The following NUDCD1 variants were observed in gnomAD, a reference collection of about 807,000 sequenced individuals.
The protein encoded by NUDCD1 is NudC domain containing 1.
In NUDCD1, 60 loss-of-function variants were observed where a neutral mutation model predicts 67.8. The observed-to-expected ratio is 0.88, with a 90% CI of 0.72 to 1.10. NUDCD1 has a LOEUF of 1.10. Among genes scored for constraint, NUDCD1 ranks in the 50% least tolerant of loss-of-function variants. The pLI, the probability that NUDCD1 is intolerant of heterozygous loss-of-function variation, is 0.00. For synonymous variants in NUDCD1, 244 were observed against 230.8 expected, an observed-to-expected ratio of 1.06 and a Z score of -0.52; for missense variants, 643 against 695.0, an observed-to-expected ratio of 0.93 and a Z score of 0.84.
chr8:109,246,848 C>T (rs1372675737), intron 8 of NUDCD1, among the ~76,000 whole-genome samples: 3 of 152,106 alleles, frequency 2.0e-5, no homozygotes, highest in Admixed American at 2.0e-4. Flanking sequence ...GAAGTGGAGA[C>T]CTGACCTGAA....
intron 5 of NUDCD1, among the ~76,000 whole-genome samples, chr8:109,284,127 C>T (rs547255202): frequency 2.0e-4 from 30 of 151,930 alleles, no homozygotes; most frequent in African/African-American, 6.8e-4. Context: ...AAACAGAAAG[C>T]GCAGGAGTCA....
At chr8:109,319,073 A>G (rs926065724) in intron 2 of NUDCD1, among the ~76,000 whole-genome samples, 1 of 150,550 alleles carries the variant, frequency 6.6e-6, no homozygotes, top group African/African-American at 2.4e-5. Flanking sequence ...TCCCAGGTTC[A>G]CGCCATTCTC....
At position 109,242,666 on chromosome 8, in the gene NUDCD1, C is replaced by T. The variant is rs1548082; in HGVS notation, c.*343G>A. 8 of 173,486 alleles carry T rather than the reference C, an allele frequency of 4.6e-5. No individual in the cohort carries two copies. Among genetic ancestry groups the T allele is most frequent in the South Asian group, 1.5e-4 (1 of 6,528 alleles). The allele number at this position is 173,486 out of a possible 1,614,324, so 10.7% of individuals were successfully genotyped here. A position where few individuals can be genotyped will look rare whatever the true frequency, so the allele number is the denominator to read the frequency against. ...GGTACAGCCTGTAGCAACTAATCAA[C>T]GAACAGAGTACACAATAAATATTTT... On this transcript the variant is annotated 3_prime_UTR_variant, in exon 10 of 10. Transcript: ENST00000239690.
intron 8 of NUDCD1, among the ~76,000 whole-genome samples, chr8:109,258,965 T>C (rs1470347731): frequency 6.6e-6 from 1 of 152,136 alleles, no homozygotes; most frequent in African/African-American, 2.4e-5. Flanking sequence ...AACTAAAATG[T>C]CTCCAATAAA....
intron 8 of NUDCD1, 97 bp from the exon 9 acceptor site, chr8:109,245,578 A>T (rs1813475892): frequency 1.2e-6 from 1 of 840,292 alleles, no homozygotes; most frequent in African/African-American, 1.7e-5. Flanking sequence ...AGTGTCAGCA[A>T]CTGTTTTATA....
chr8:109,276,585 A>G (rs1350601687), intron 6 of NUDCD1, among the ~76,000 whole-genome samples: 1 of 152,220 alleles, frequency 6.6e-6, no homozygotes, highest in African/African-American at 2.4e-5. Flanking sequence ...TTAAGAGACT[A>G]TACAAAATAA....
chr8:109,322,497 G>C, intron 1 of NUDCD1, 34 bp from the exon 2 acceptor site: 1 of 1,553,748 alleles, frequency 6.4e-7, no homozygotes, highest in African/African-American at 1.4e-5. Flanking sequence ...TAAACATCAA[G>C]AGTTTTGCCT....
chr8:109,274,440 A>G (rs1403330251), intron 7 of NUDCD1, among the ~76,000 whole-genome samples: 2 of 152,194 alleles, frequency 1.3e-5, no homozygotes, highest in Non-Finnish European at 2.9e-5. Context: ...GCCTAATACA[A>G]TAATACTTGC....
Position 109,322,484 on chromosome 8 carries a change from A to C in NUDCD1, c.119-21T>G, listed in dbSNP as rs748562926. ...CACAGCTGAAATACAAGAAAAGCAA[A>C]CATAAACATCAAGAGTTTTGCCTCA... is the stretch of plus-strand genomic sequence containing the variant. On this transcript the variant is annotated intron_variant, in intron 1 of 9. Transcript: ENST00000239690. 4.9e-5 allele frequency: 77 copies of C among 1,573,174 alleles called. 1 individual carries two copies. The highest frequency in any genetic ancestry group is 5.2e-5 in the Admixed American group (3 of 58,138).
intron 8 of NUDCD1, among the ~76,000 whole-genome samples, chr8:109,265,703 G>A (rs541375308): frequency 1.1e-4 from 16 of 152,320 alleles, no homozygotes; most frequent in African/African-American, 2.4e-4. Flanking sequence ...AAAGGCAGGG[G>A]TGTGTGGGGG....
Position 109,293,425 on chromosome 8 carries a change from T to G in NUDCD1, c.559A>C (p.Ile187Leu), listed in dbSNP as rs1814756815. Residue 187 changes from isoleucine (I) to leucine (L), a missense_variant, in exon 4 of 10, where the codon ATA becomes CTA. Coordinates refer to ENST00000239690, the MANE Select transcript of NUDCD1 (RefSeq NM_032869.4). ...TTCATATCCAATTCCTCTTTCTCTA[T>G]TCGAAGAAGTAGGGTAGCTATAGAA... ...EHSIATLLLR[I>L]EKEELDMKGS... is the part of the protein sequence containing the mutation. 6.3e-7 allele frequency: 1 copy of G among 1,588,106 alleles called. No individual in the cohort carries two copies. Among genetic ancestry groups the G allele is most frequent in the Non-Finnish European group, 8.6e-7 (1 of 1,164,274 alleles).
intron 5 of NUDCD1, among the ~76,000 whole-genome samples, chr8:109,287,247 A>G (rs915499666): frequency 2.0e-5 from 3 of 152,196 alleles, no homozygotes; most frequent in African/African-American, 7.2e-5. Context: ...AAAGAACTTA[A>G]AACAGAACTA....
intron 5 of NUDCD1, 36 bp downstream of exon 5, chr8:109,289,715 A>C (rs2980616): frequency 0.38 from 405,665 of 1,060,864 alleles, 80,344 homozygotes; most frequent in Admixed American, 0.49. Flanking sequence ...TATGTTTATG[A>C]AAATACCAAT....
At chr8:109,295,300 A>T (rs564987401) in intron 3 of NUDCD1, among the ~76,000 whole-genome samples, 2 of 152,258 alleles carry the variant, frequency 1.3e-5, no homozygotes, top group South Asian at 2.1e-4. Flanking sequence ...CCTGCGCATT[A>T]TTCTCAAAAT....
At chr8:109,321,224 T>G (rs185636443) in intron 2 of NUDCD1, among the ~76,000 whole-genome samples, 241 of 152,268 alleles carry the variant, frequency 1.6e-3, no homozygotes, top group African/African-American at 5.6e-3. Context: ...TATTAACAGA[T>G]TATTGGCTGT....
intron 8 of NUDCD1, among the ~76,000 whole-genome samples, chr8:109,256,440 T>C (rs1222854368): frequency 1.5e-5 from 2 of 136,418 alleles, no homozygotes; most frequent in Non-Finnish European, 3.2e-5. Flanking sequence ...ATCAGATGTG[T>C]GTGTGCATGT....
chr8:109,328,270 C>T (rs1022950598), intron 1 of NUDCD1, among the ~76,000 whole-genome samples: 2 of 152,130 alleles, frequency 1.3e-5, no homozygotes, highest in Non-Finnish European at 2.9e-5. Context: ...ATGGCTTTTC[C>T]CTCCCTTTAA....
At chr8:109,308,961 G>C (rs1230422168) in intron 2 of NUDCD1, among the ~76,000 whole-genome samples, 2 of 124,008 alleles carry the variant, frequency 1.6e-5, no homozygotes, top group Non-Finnish European at 3.2e-5. Context: ...GACAGAGCAA[G>C]AGTCCATCTC....
At chr8:109,277,960 G>A (rs913274632) in intron 6 of NUDCD1, among the ~76,000 whole-genome samples, 5 of 152,152 alleles carry the variant, frequency 3.3e-5, no homozygotes, top group African/African-American at 1.2e-4. Context: ...TTAATAAAAT[G>A]TAAGATACCT....
Sources: gnomAD v4.1 joint callset for allele counts (sites outside exome capture counted in the v4.1 genomes callset) on GRCh38, gnomAD v4.1.1 for gene constraint, MANE v1.5 for transcripts, NCBI Gene and HGNC (gene_info 2026-07-23, HGNC 2026-07-21) for gene names.